Variants in GAD2 observed in about 807,000 individuals in gnomAD.
The protein encoded by GAD2 is 65 kDa glutamic acid decarboxylase.
GAD2 carries 22 observed loss-of-function variants against 80.1 expected under a neutral mutation model. That is an observed-to-expected ratio of 0.27 (90% CI 0.20 to 0.39). The LOEUF is 0.39. GAD2 is among the 10% of genes least tolerant of loss of function. The pLI, the probability that GAD2 is intolerant of heterozygous loss-of-function variation, is 1.00. For missense variants in GAD2, 624 were observed against 738.4 expected (o/e 0.85, Z 1.80); for synonymous variants, 274 against 256.9 (o/e 1.07, Z -0.64).
intron 8 of GAD2, among the ~76,000 whole-genome samples, chr10:26,263,695 A>G (rs1845035306): frequency 1.3e-5 from 2 of 152,226 alleles, no homozygotes; most frequent in African/African-American, 4.8e-5. Context: ...TAAAAAGCAA[A>G]TATAAACAAA....
In GAD2 at chr10:26,217,711, G is replaced by A. The variant is rs1228445674; in HGVS notation, c.136+42G>A. On this transcript the variant is annotated intron_variant, in intron 2 of 15. Transcript: ENST00000376261. This position sits in a 1 kb window ranked among gnomAD's most constrained non-coding sequence, Gnocchi z 4.9. ...CGGGGCGGCCAAGGTCGGCCCGCGG[G>A]GTCCAAGCAGTCTTCTCACCTCCGC... The A allele has an allele frequency of 1.2e-6, 2 of 1,605,106 alleles. No individual in the cohort carries two copies. The highest frequency in any genetic ancestry group is 1.7e-6 in the Non-Finnish European group (2 of 1,175,410).
In GAD2 at chr10:26,273,642, T is replaced by TG; in HGVS notation, c.1103dup (p.Gly369TrpfsTer42). On this transcript the variant is annotated frameshift_variant, in exon 11 of 16. Coordinates refer to ENST00000376261, the MANE Select transcript of GAD2 (RefSeq NM_001134366.2). LOFTEE classifies it high-confidence loss of function. Reference sequence around the variant, plus strand: ...TCATATGATTTTTTTTCAGGCAGCTTGGGGTGGGGGATTACTGATGTCCCG... The same window carrying TG: ...TCATATGATTTTTTTTCAGGCAGCTTGGGGGTGGGGGATTACTGATGTCCCG... 6.2e-7 allele frequency: 1 copy of TG among 1,613,346 alleles called. No homozygotes were observed. The highest frequency in any genetic ancestry group is 8.5e-7 in the Non-Finnish European group (1 of 1,179,712).
At chr10:26,296,806 T>C (rs903900135) in intron 15 of GAD2, among the ~76,000 whole-genome samples, 1 of 152,254 alleles carries the variant, frequency 6.6e-6, no homozygotes, top group Non-Finnish European at 1.5e-5. Context: ...GCAGTGGATT[T>C]AATACTAAAT....
At chr10:26,261,043 T>TTTATAC (rs1845003786) in intron 8 of GAD2, among the ~76,000 whole-genome samples, 1 of 152,202 alleles carries the variant, frequency 6.6e-6, no homozygotes. Context: ...AGTTGAGTAT[T>TTTATAC]TTATACTTAT....
intron 7 of GAD2, among the ~76,000 whole-genome samples, chr10:26,235,506 T>A (rs1032794668): frequency 6.6e-5 from 10 of 152,228 alleles, no homozygotes; most frequent in African/African-American, 2.4e-4. Flanking sequence ...GTTGTTTGAA[T>A]CAACTGTTTT....
At chr10:26,229,576 C>T (rs1023910623) in intron 6 of GAD2, 86 bp from the exon 7 acceptor site, 2 of 913,188 alleles carry the variant, frequency 2.2e-6, no homozygotes, top group African/African-American at 1.6e-5. Flanking sequence ...AAGGAGGACT[C>T]AGGTCAGTGG....
Position 26,225,273 on chromosome 10 carries a change from C to T in GAD2, c.724+622C>T, listed in dbSNP as rs1844506148. On this transcript the variant is annotated intron_variant, in intron 6 of 15. Coordinates refer to ENST00000376261, the MANE Select transcript of GAD2 (RefSeq NM_001134366.2). Reference sequence around the variant, plus strand: ...TCTTTTCCATCCTGCCTTTTTATCACCAGCCATTGAATTCTAAGCTCCATT... The same window carrying T: ...TCTTTTCCATCCTGCCTTTTTATCATCAGCCATTGAATTCTAAGCTCCATT... Among the ~76,000 whole-genome samples, 8 of 152,322 alleles carry T rather than the reference C, an allele frequency of 5.3e-5. No individual in the cohort carries two copies. The South Asian group carries it at 1.7e-3, about 32-fold the overall frequency.
chr10:26,236,990 C>T (rs931700066), intron 7 of GAD2, among the ~76,000 whole-genome samples: 3 of 152,208 alleles, frequency 2.0e-5, no homozygotes, highest in African/African-American at 4.8e-5. Context: ...ATATTCCCAT[C>T]GCACTCAGAG....
At chr10:26,250,965 C>T (rs531285410) in intron 8 of GAD2, among the ~76,000 whole-genome samples, 57 of 149,608 alleles carry the variant, frequency 3.8e-4, no homozygotes, top group African/African-American at 1.3e-3. Context: ...CTGCAAGCTC[C>T]GCTTCCTGGA....
rs566507527 is a variant in GAD2 at position 26,275,095 on chromosome 10, AAGC to A, written c.1157+1398_1157+1400del. Among the ~76,000 whole-genome samples, 34 of 152,378 alleles carry A rather than the reference AAGC, an allele frequency of 2.2e-4. 1 individual carries two copies. In the South Asian group the frequency reaches 6.2e-3, roughly 28 times the overall value. On this transcript the variant is annotated intron_variant, in intron 11 of 15. Coordinates refer to ENST00000376261, the MANE Select transcript of GAD2 (RefSeq NM_001134366.2). Reference sequence around the variant, plus strand: ...CTTTCCATCTTGAAGATCTGCAAGAAAGCAGAAGCTTAAGGAAGAGGCAATGAA... The same window carrying A: ...CTTTCCATCTTGAAGATCTGCAAGAAAGAAGCTTAAGGAAGAGGCAATGAA...
chr10:26,260,881 A>C (rs1041598013), intron 8 of GAD2, among the ~76,000 whole-genome samples: 6 of 152,180 alleles, frequency 3.9e-5, no homozygotes, highest in African/African-American at 1.4e-4. Flanking sequence ...GATAATTAGC[A>C]AAGCTGAGTA....
chr10:26,279,289 C>T (rs1845246794), intron 11 of GAD2, among the ~76,000 whole-genome samples: 1 of 152,004 alleles, frequency 6.6e-6, no homozygotes, highest in African/African-American at 2.4e-5. Context: ...AAAAAATAAG[C>T]AAGATTTAAC....
At chr10:26,254,077 G>A (rs773639040) in intron 8 of GAD2, among the ~76,000 whole-genome samples, 41 of 151,990 alleles carry the variant, frequency 2.7e-4, no homozygotes, top group Admixed American at 1.1e-3. Flanking sequence ...TCACTCTGTC[G>A]CCAGGCTGGA....
intron 8 of GAD2, among the ~76,000 whole-genome samples, chr10:26,258,499 C>A (rs1299039535): frequency 6.6e-6 from 1 of 152,154 alleles, no homozygotes; most frequent in Admixed American, 6.5e-5. Flanking sequence ...TCTCACATTG[C>A]AAAATTGAAA....
intron 7 of GAD2, among the ~76,000 whole-genome samples, chr10:26,237,735 C>T (rs1844692558): frequency 6.6e-6 from 1 of 152,106 alleles, no homozygotes; most frequent in African/African-American, 2.4e-5. Flanking sequence ...TAGCCGGGTG[C>T]AGTGGTTCAT....
intron 12 of GAD2, 81 bp downstream of exon 12, chr10:26,281,168 C>A: frequency 9.7e-7 from 1 of 1,035,670 alleles, no homozygotes; most frequent in Non-Finnish European, 1.5e-6. Context: ...CTGGAAATGT[C>A]AAGATCACCG....
At chr10:26,251,056 CTT>C (rs60993936) in intron 8 of GAD2, among the ~76,000 whole-genome samples, 62 of 119,810 alleles carry the variant, frequency 5.2e-4, no homozygotes, top group African/African-American at 1.2e-3. Context: ...TTTTTTTTTG[CTT>C]TTTTTTTTTT....
intron 12 of GAD2, among the ~76,000 whole-genome samples, chr10:26,283,721 AAT>A (rs1845298715): frequency 6.6e-6 from 1 of 152,222 alleles, no homozygotes; most frequent in African/African-American, 2.4e-5. Flanking sequence ...GGATGATTGA[AAT>A]AGCTAAAGAT....
chr10:26,216,742 G>A (rs1844376043), upstream of GAD2: 23 of 1,448,064 alleles, frequency 1.6e-5, no homozygotes, highest in East Asian at 2.5e-5. This position sits in a 1 kb window ranked among gnomAD's most constrained non-coding sequence, Gnocchi z 4.7. Flanking sequence ...CGCGCGCGCA[G>A]GGCCAAGCCC....
Sources: gnomAD v4.1 joint callset for allele counts (sites outside exome capture counted in the v4.1 genomes callset) on GRCh38, gnomAD v4.1.1 for gene constraint, Gnocchi (gnomAD v3.1) non-coding constraint, MANE v1.5 for transcripts, NCBI Gene and HGNC (gene_info 2026-07-23, HGNC 2026-07-21) for gene names.